UBR2: variants seen among roughly 807,000 people sequenced by gnomAD.
UBR2 encodes the protein ubiquitin protein ligase E3 component n-recognin 2.
In UBR2, 92 loss-of-function variants were observed where a neutral mutation model predicts 247.9. That is an observed-to-expected ratio of 0.37 (90% confidence interval 0.31 to 0.44). UBR2 has a LOEUF of 0.44. Ranked by LOEUF, UBR2 falls within the 20% of genes least tolerant of loss-of-function variation. UBR2 has a pLI of 1.00. For missense variants in UBR2, 1,613 were observed against 2,112.6 expected (o/e 0.76, Z 4.64); for synonymous variants, 672 against 693.5 (o/e 0.97, Z 0.49).
intron 2 of UBR2, among the ~76,000 whole-genome samples, chr6:42,583,397 A>G (rs59636767): frequency 0.022 from 3,316 of 151,942 alleles, 111 homozygotes; most frequent in African/African-American, 0.075. Context: ...CCAGGCATGC[A>G]CCACCAAGCC....
intron 34 of UBR2, among the ~76,000 whole-genome samples, chr6:42,667,738 C>T: frequency 2.5e-5 from 3 of 118,472 alleles, no homozygotes; most frequent in Admixed American, 8.8e-5. Context: ...TGCAGTAGAT[C>T]TATCCAATGT....
chr6:42,683,107 A>G lies in UBR2; in HGVS notation c.4771A>G (p.Ile1591Val), dbSNP rs1386789382. ...ATATCTAGAAGGTGAAAGAGATGCTATAAGGTAAGTTAAAGAGCCTCAAAA... is the reference window on the plus strand; with the variant it reads ...ATATCTAGAAGGTGAAAGAGATGCTGTAAGGTAAGTTAAAGAGCCTCAAAA... ...KRYLEGERDA[I>V]RYPRESNKLI... The change falls in exon 43 of 47, where the codon ATA (isoleucine) becomes GTA (valine). Residue 1591 changes from isoleucine (I) to valine (V), a missense_variant. Around this residue, in one of 3 missense-constraint regions of UBR2, gnomAD observed 1,524 missense variants for 1,967.3 expected, o/e 0.77. Transcript: ENST00000372901. 5 of 1,612,628 alleles carry G rather than the reference A, an allele frequency of 3.1e-6. No individual in the cohort carries two copies. Among genetic ancestry groups the G allele is most frequent in the African/African-American group, 1.3e-5 (1 of 74,984 alleles).
At chr6:42,615,670 G>T (rs570125434) in intron 9 of UBR2, among the ~76,000 whole-genome samples, 2 of 151,754 alleles carry the variant, frequency 1.3e-5, no homozygotes, top group Non-Finnish European at 2.9e-5. Flanking sequence ...TGTGCCTGTA[G>T]TCTCAGCTAC....
intron 4 of UBR2, among the ~76,000 whole-genome samples, chr6:42,595,627 C>T (rs911802988): frequency 6.6e-6 from 1 of 151,682 alleles, no homozygotes; most frequent in Non-Finnish European, 1.5e-5. Context: ...TGCCTGTGGT[C>T]CCAGCCACTT....
chr6:42,651,066 A>G (rs1797080759), intron 23 of UBR2, among the ~76,000 whole-genome samples: 1 of 152,102 alleles, frequency 6.6e-6, no homozygotes, highest in South Asian at 2.1e-4. Context: ...TACTAAAAAT[A>G]CAAAAATTAG....
At chr6:42,687,904 A>AT (rs149968717) in intron 44 of UBR2, among the ~76,000 whole-genome samples, 24,256 of 151,764 alleles carry the variant, frequency 0.16, 2,459 homozygotes, top group African/African-American at 0.28. Flanking sequence ...AACTTTATTG[A>AT]TTTTTCATTG....
rs1446692199 is a variant in UBR2 at position 42,614,416 on chromosome 6, GTACGTACA to G, written c.986-652_986-645del. 5.1e-4 allele frequency among the ~76,000 whole-genome samples: 22 copies of G among 42,996 alleles called. 1 individual carries two copies. The highest frequency in any genetic ancestry group is 1.7e-3 in the African/African-American group (22 of 13,060). The allele number at this position is 42,996 out of a possible 152,430, so 28.2% of individuals were successfully genotyped here. A position where few individuals can be genotyped will look rare whatever the true frequency, so the allele number is the denominator to read the frequency against. On this transcript the variant is annotated intron_variant, in intron 8 of 46. Coordinates refer to ENST00000372901, the MANE Select transcript of UBR2 (RefSeq NM_001363705.2). ...CGTACATACATACGTATGTATGTAC[GTACGTACA>G]TATATATGTATGTACGTACATATAT...
rs756826472 is a variant in UBR2 at position 42,659,686 on chromosome 6, A to G, written c.3273A>G (p.Ala1091=). 6 of 1,613,950 alleles carry G rather than the reference A, an allele frequency of 3.7e-6. No individual in the cohort carries two copies. In the Admixed American group the frequency reaches 1.0e-4, roughly 27 times the overall value. ...SPVASDMTLT[A]LGPAQTQVPE... Reference sequence around the variant, plus strand: ...TGGCTTCAGATATGACACTTACAGCACTGGGCCCCGCACAAACTCAGGTTC... The same window carrying G: ...TGGCTTCAGATATGACACTTACAGCGCTGGGCCCCGCACAAACTCAGGTTC... Residue 1091 remains alanine (A), a synonymous_variant, in exon 30 of 47, where the codon GCA becomes GCG. Coordinates refer to ENST00000372901, the MANE Select transcript of UBR2 (RefSeq NM_001363705.2). The surrounding 1 kb of genome is among the most constrained non-coding windows in gnomAD (Gnocchi z 4.3).
At chr6:42,619,499 C>T (rs1794837533) in intron 11 of UBR2, 1 of 204,466 alleles carries the variant, frequency 4.9e-6, no homozygotes, top group Non-Finnish European at 8.7e-6. Context: ...AGTGGCTCAC[C>T]TCTGTAATCC....
Position 42,622,408 on chromosome 6 carries a change from T to G in UBR2, c.1281+4901T>G, listed in dbSNP as rs555071046. On this transcript the variant is annotated intron_variant, in intron 11 of 46. Transcript: ENST00000372901. ...TTGTTTTTGGGTTTTTTGGTGGGTT[T>G]TTTTTTTTTTTGAGACAGAACCTCA... 4.8e-4 allele frequency among the ~76,000 whole-genome samples: 72 copies of G among 150,858 alleles called. 1 individual carries two copies. Among genetic ancestry groups the G allele is most frequent in the African/African-American group, 1.7e-3 (69 of 41,136 alleles).
chr6:42,659,881 T>A lies in UBR2; in HGVS notation c.3442+26T>A. The stretch of plus-strand genomic sequence containing the variant: ...GTAAGTCATAGCTAGATCCTCATCT[T>A]CCCTTTTAATAACAACTGCCAGTTA... On this transcript the variant is annotated intron_variant, in intron 30 of 46. Transcript: ENST00000372901. This position sits in a 1 kb window ranked among gnomAD's most constrained non-coding sequence, Gnocchi z 4.3. 6.2e-7 allele frequency: 1 copy of A among 1,604,554 alleles called. No individual in the cohort carries two copies. Among genetic ancestry groups the A allele is most frequent in the Non-Finnish European group, 8.5e-7 (1 of 1,172,468 alleles).
intron 30 of UBR2, among the ~76,000 whole-genome samples, chr6:42,660,992 T>C (rs2151975065): frequency 8.5e-6 from 1 of 117,584 alleles, no homozygotes; most frequent in East Asian, 2.4e-4. Context: ...TGTTTGTTTG[T>C]TTTTAAAAAA....
At chr6:42,589,783 T>G (rs987504148) in intron 2 of UBR2, among the ~76,000 whole-genome samples, 2 of 152,186 alleles carry the variant, frequency 1.3e-5, no homozygotes, top group Non-Finnish European at 2.9e-5. Flanking sequence ...CTTTTCAACG[T>G]TTTAAAGATC....
In UBR2 at chr6:42,645,492, C is replaced by A. The variant is rs759822938; in HGVS notation, c.2311C>A (p.Gln771Lys). Reference protein sequence around the residue: ...VGERFSPGVGQVNATDEIKRE... With the variant: ...VGERFSPGVGKVNATDEIKRE... ...AGAGAGATTTAGTCCTGGAGTTGGA[C>A]AGGTAAATGCTACAGATGAAATCAA... Residue 771 changes from glutamine to lysine, a missense_variant, in exon 21 of 47, where the codon CAG becomes AAG. By Grantham distance (53) the Gln-to-Lys change is moderately conservative (BLOSUM62 1). This residue lies in a region of UBR2 where 1,524 missense variants were observed against 1,967.3 expected (regional missense o/e 0.77). Transcript: ENST00000372901. 7 of 1,613,616 alleles carry A rather than the reference C, an allele frequency of 4.3e-6. No individual in the cohort carries two copies. The highest frequency in any genetic ancestry group is 5.1e-6 in the Non-Finnish European group (6 of 1,179,774).
chr6:42,661,096 A>G (rs1797774507), intron 30 of UBR2, among the ~76,000 whole-genome samples: 1 of 151,940 alleles, frequency 6.6e-6, no homozygotes, highest in African/African-American at 2.4e-5. Flanking sequence ...GATCAAGACC[A>G]TCCTGGCTAA....
At chr6:42,641,529 T>C in intron 16 of UBR2, 53 bp from the exon 17 acceptor site, 3 of 1,388,380 alleles carry the variant, frequency 2.2e-6, no homozygotes, top group Non-Finnish European at 2.0e-6. Context: ...TTAGAACTGA[T>C]TTTATGTGTG....
intron 2 of UBR2, among the ~76,000 whole-genome samples, chr6:42,589,612 C>A: frequency 6.6e-6 from 1 of 152,118 alleles, no homozygotes; most frequent in South Asian, 2.1e-4. Flanking sequence ...TAGAATTCAC[C>A]AGTGAACCCA....
Position 42,644,214 on chromosome 6 carries a change from A to G in UBR2, c.2098A>G (p.Thr700Ala). ...MFDKDVVMLQ[T>A]GVSMMDPNHF... is the part of the protein sequence containing the mutation. ...CTCAAACATTAAAAAAAAAAAAAAG[A>G]CAGGTGTCTCCATGATGGATCCAAA... Residue 700 changes from threonine to alanine, a missense_variant and splice_region_variant, in exon 19 of 47, where the codon ACA (threonine) becomes GCA (alanine). This residue lies in a region of UBR2 where 1,524 missense variants were observed against 1,967.3 expected (regional missense o/e 0.77). Transcript: ENST00000372901. 1.3e-6 allele frequency: 2 copies of G among 1,577,746 alleles called. No individual in the cohort carries two copies. Among genetic ancestry groups the G allele is most frequent in the South Asian group, 1.2e-5 (1 of 84,278 alleles).
Position 42,606,257 on chromosome 6 carries a change from T to A in UBR2, c.802-332T>A, listed in dbSNP as rs115168877. Among the ~76,000 whole-genome samples, 5 of 151,800 alleles carry A rather than the reference T, an allele frequency of 3.3e-5. No individual in the cohort carries two copies. The East Asian group carries it at 9.7e-4, about 29-fold the overall frequency. On this transcript the variant is annotated intron_variant, in intron 6 of 46. Coordinates refer to ENST00000372901, the MANE Select transcript of UBR2 (RefSeq NM_001363705.2). ...GACTCCATCTCAAAAAAAAAAAAAA[T>A]TTCATTTGAATATTGGCCCAAATGT...
Sources: allele counts gnomAD v4.1 joint callset (sites outside exome capture counted in the v4.1 genomes callset), GRCh38; gene constraint gnomAD v4.1.1; regional missense constraint gnomAD v4.1.1; non-coding constraint Gnocchi (gnomAD v3.1); transcripts MANE v1.5; gene names NCBI Gene and HGNC (gene_info 2026-07-23, HGNC 2026-07-21).